PTPN13: variants seen among roughly 807,000 people sequenced by gnomAD.
PTPN13 encodes tyrosine-protein phosphatase non-receptor type 13.
PTPN13 carries 191 observed loss-of-function variants against 284.0 expected under a neutral mutation model. The observed-to-expected ratio is 0.67, with a 90% CI of 0.60 to 0.76. The LOEUF (loss-of-function observed/expected upper bound fraction) is 0.76. PTPN13 is among the 30% of genes least tolerant of loss of function. PTPN13 has a pLI of 0.00. For synonymous variants in PTPN13, 986 were observed against 1,022.3 expected (o/e 0.96, Z 0.68); for missense variants, 2,797 against 2,939.9 (o/e 0.95, Z 1.12).
rs975149655 is a variant in PTPN13, at chr4:86,769,871, T to C, written c.4592T>C (p.Val1531Ala). The change falls in exon 29 of 48, where the codon GTA (valine) becomes GCA (alanine). Residue 1531 changes from valine to alanine, a missense_variant. Coordinates refer to ENST00000411767, the MANE Select transcript of PTPN13 (RefSeq NM_080683.3). ...LIPEQINASI[V>A]RVKKLFPGQP... ...CCGGAGCAAATTAATGCCAGCATAG[T>C]AAGGGTTAAAAAGCTCTTTCCTGGA... 2 of 1,613,804 alleles carry C rather than the reference T, an allele frequency of 1.2e-6. No individual in the cohort carries two copies. The highest frequency in any genetic ancestry group is 1.7e-5 in the Admixed American group (1 of 59,992).
intron 15 of PTPN13, among the ~76,000 whole-genome samples, chr4:86,738,247 C>A (rs1380348505): frequency 6.6e-6 from 1 of 152,110 alleles, no homozygotes; most frequent in Non-Finnish European, 1.5e-5. Context: ...ATTGCTGGGA[C>A]CTATGGCAAG....
At chr4:86,761,542 AG>A (rs1738702012) in intron 23 of PTPN13, among the ~76,000 whole-genome samples, 2 of 152,208 alleles carry the variant, frequency 1.3e-5, no homozygotes, top group Non-Finnish European at 2.9e-5. Flanking sequence ...CTAACCAAGT[AG>A]ATATAGCAGT....
chr4:86,634,132 C>A (rs577092705), intron 1 of PTPN13, among the ~76,000 whole-genome samples: 1 of 152,198 alleles, frequency 6.6e-6, no homozygotes, highest in South Asian at 2.1e-4. Flanking sequence ...AAAATAGTAG[C>A]TTGTCTTGTT....
chr4:86,715,597 A>C (rs1732931469), intron 7 of PTPN13, among the ~76,000 whole-genome samples: 1 of 152,214 alleles, frequency 6.6e-6, no homozygotes, highest in African/African-American at 2.4e-5. Flanking sequence ...GTCTCTAAAA[A>C]ATAAAATAAA....
At chr4:86,717,189 A>AT (rs35080587) in intron 9 of PTPN13, 72 bp downstream of exon 9, 300,432 of 732,722 alleles carry the variant, frequency 0.41, 26,978 homozygotes, top group African/African-American at 0.63. Flanking sequence ...ATTAAATGGA[A>AT]TTTTTTTTTT....
intron 12 of PTPN13, 103 bp downstream of exon 12, chr4:86,732,869 T>A: frequency 2.2e-6 from 2 of 908,930 alleles, no homozygotes; most frequent in Middle Eastern, 2.5e-4. Context: ...AATTAGTAAC[T>A]AAATGAACTA....
intron 1 of PTPN13, among the ~76,000 whole-genome samples, chr4:86,635,024 G>T (rs983369511): frequency 2.6e-5 from 4 of 152,102 alleles, no homozygotes; most frequent in Admixed American, 2.6e-4. Flanking sequence ...CTCCAGTTCT[G>T]TCTCTGAAGT....
chr4:86,760,831 G>A (rs374472512), intron 23 of PTPN13, among the ~76,000 whole-genome samples: 2 of 151,976 alleles, frequency 1.3e-5, no homozygotes, highest in East Asian at 3.9e-4. Context: ...ATCATGGTAT[G>A]TAACTATTCT....
chr4:86,717,199 T>TC, intron 9 of PTPN13, 82 bp downstream of exon 9: 1 of 1,079,962 alleles, frequency 9.3e-7, no homozygotes, highest in Middle Eastern at 2.4e-4. Flanking sequence ...ATTTTTTTTT[T>TC]TTTTTTTGAG....
chr4:86,625,783 TACA>T, intron 1 of PTPN13, among the ~76,000 whole-genome samples: 1 of 152,310 alleles, frequency 6.6e-6, no homozygotes, highest in East Asian at 1.9e-4. Context: ...GTAGGCAGTT[TACA>T]ACGTGAAAGG....
chr4:86,787,355 G>A (rs1163454788), intron 40 of PTPN13, among the ~76,000 whole-genome samples: 1 of 152,132 alleles, frequency 6.6e-6, no homozygotes, highest in Admixed American at 6.5e-5. Context: ...CACTCTGGGA[G>A]GCCAAGGTAG....
At chr4:86,765,745 TAGAC>T (rs941875967) in intron 26 of PTPN13, among the ~76,000 whole-genome samples, 2 of 152,124 alleles carry the variant, frequency 1.3e-5, no homozygotes, top group African/African-American at 4.8e-5. Flanking sequence ...AGAAAATATC[TAGAC>T]AGTGCTTTCA....
chr4:86,722,151 G>C lies in PTPN13; in HGVS notation c.1386-61G>C, dbSNP rs1381041836. The C allele has an allele frequency of 2.1e-6, 3 of 1,401,120 alleles. No individual in the cohort carries two copies. The East Asian group carries it at 6.9e-5, about 32-fold the overall frequency. 86.8% of individuals were successfully genotyped at this position (1,401,120 alleles called of 1,614,324 possible). A position where few individuals can be genotyped will look rare whatever the true frequency, so the allele number is the denominator to read the frequency against. ...ACCTTACTTAAAATGAAATTTGCTT[G>C]ATTAGCCTTAAAACAATTGTTTTCC... On this transcript the variant is annotated intron_variant, in intron 9 of 47. Coordinates refer to ENST00000411767, the MANE Select transcript of PTPN13 (RefSeq NM_080683.3).
At chr4:86,616,954 C>T (rs961120798) in intron 1 of PTPN13, among the ~76,000 whole-genome samples, 12 of 151,952 alleles carry the variant, frequency 7.9e-5, no homozygotes, top group Non-Finnish European at 1.3e-4. Flanking sequence ...AAGGGGAGAG[C>T]GTGAATAGTT....
intron 2 of PTPN13, among the ~76,000 whole-genome samples, chr4:86,646,545 G>A (rs1217804171): frequency 6.6e-6 from 1 of 152,182 alleles, no homozygotes; most frequent in Non-Finnish European, 1.5e-5. Context: ...TCATCGGCCT[G>A]CCGCAGCCTC....
intron 2 of PTPN13, among the ~76,000 whole-genome samples, chr4:86,650,515 G>T (rs752336536): frequency 6.6e-6 from 1 of 152,014 alleles, no homozygotes; most frequent in African/African-American, 2.4e-5. Context: ...TCACCATGTT[G>T]CCCAGGCTAT....
chr4:86,724,354 G>A (rs775337523), intron 10 of PTPN13, among the ~76,000 whole-genome samples: 5 of 152,126 alleles, frequency 3.3e-5, no homozygotes, highest in South Asian at 2.1e-4. Context: ...CAAACTGCAC[G>A]TACATATACA....
rs368199406 is a variant in PTPN13, at chr4:86,780,387, T to C, written c.5892-15T>C. The stretch of plus-strand genomic sequence containing the variant: ...TGTCCAAGACAATTTACAGTTGTCT[T>C]TTTTTACAACACAGAAATGATCTTC... On this transcript the variant is annotated splice_polypyrimidine_tract_variant and intron_variant, in intron 35 of 47. Transcript: ENST00000411767. 3.1e-6 allele frequency: 5 copies of C among 1,599,218 alleles called. No homozygotes were observed. The African/African-American group carries it at 4.0e-5, about 13-fold the overall frequency.
intron 17 of PTPN13, among the ~76,000 whole-genome samples, chr4:86,748,435 C>T (rs1737020584): frequency 6.6e-6 from 1 of 152,050 alleles, no homozygotes; most frequent in Admixed American, 6.5e-5. Context: ...TAGCATACTC[C>T]CTAATATGTT....
Sources: gnomAD v4.1 joint callset for allele counts (sites outside exome capture counted in the v4.1 genomes callset) on GRCh38, gnomAD v4.1.1 for gene constraint, MANE v1.5 for transcripts, NCBI Gene and HGNC (gene_info 2026-07-23, HGNC 2026-07-21) for gene names.